The following ALS2 variants were observed in gnomAD, a reference collection of about 807,000 sequenced individuals.
ALS2 encodes alsin.
A neutral mutation model predicts 203.4 loss-of-function variants in ALS2; 117 were observed. The observed-to-expected ratio is 0.58, with a 90% confidence interval of 0.50 to 0.67. The LOEUF is 0.67. Among genes scored for constraint, ALS2 ranks in the 30% least tolerant of loss-of-function variants. The probability of loss-of-function intolerance (pLI) is 0.00; values close to 1 mark genes in which losing one functional copy is unlikely to be tolerated. For missense variants in ALS2, 1,715 were observed against 1,989.4 expected (o/e 0.86, Z 2.62); for synonymous variants, 718 against 725.9 (o/e 0.99, Z 0.17).
intron 23 of ALS2, 158 bp downstream of exon 23, chr2:201,722,885 T>C (rs1690898261): frequency 1.6e-6 from 1 of 618,478 alleles, no homozygotes; most frequent in African/African-American, 1.8e-5. Context: ...GAAACTGGAT[T>C]GTGGTGGTGG....
At chr2:201,764,269 T>C (rs538371415) in intron 3 of ALS2, among the ~76,000 whole-genome samples, 3 of 152,148 alleles carry the variant, frequency 2.0e-5, no homozygotes, top group African/African-American at 7.2e-5. Flanking sequence ...GAAAGAGCAA[T>C]ACTGCAAAGA....
intron 25 of ALS2, among the ~76,000 whole-genome samples, chr2:201,711,779 AT>A (rs1169779576): frequency 3.9e-5 from 6 of 152,220 alleles, no homozygotes; most frequent in Non-Finnish European, 8.8e-5. Flanking sequence ...ATTATTAGAG[AT>A]TTTAGATAAA....
intron 25 of ALS2, 129 bp from the exon 26 acceptor site, chr2:201,711,237 G>C (rs1324525705): frequency 1.5e-6 from 1 of 666,928 alleles, no homozygotes; most frequent in Non-Finnish European, 2.7e-6. Flanking sequence ...TAAACCCAAC[G>C]AACTCAGAAA....
At chr2:201,730,593 C>A (rs781168146) in intron 13 of ALS2, among the ~76,000 whole-genome samples, 1 of 151,786 alleles carries the variant, frequency 6.6e-6, no homozygotes, top group African/African-American at 2.4e-5. Flanking sequence ...ATATCCAAAT[C>A]TGAAAAATCA....
intron 1 of ALS2, among the ~76,000 whole-genome samples, chr2:201,775,610 T>A (rs1280450729): frequency 6.6e-6 from 1 of 152,104 alleles, no homozygotes; most frequent in Non-Finnish European, 1.5e-5. Context: ...CCAACCACTG[T>A]GGAAGGCTGA....
chr2:201,710,122 G>T, intron 26 of ALS2, 84 bp from the exon 27 acceptor site: 1 of 1,491,330 alleles, frequency 6.7e-7, no homozygotes, highest in South Asian at 1.1e-5. Context: ...CTTCATAAAT[G>T]ACACACAATT....
intron 24 of ALS2, 49 bp from the exon 25 acceptor site, chr2:201,715,888 T>C (rs1559039541): frequency 1.9e-6 from 3 of 1,610,712 alleles, no homozygotes; most frequent in Non-Finnish European, 2.5e-6. Flanking sequence ...TTGTGCAAAA[T>C]TGTTCCAAAG....
Position 201,729,071 on chromosome 2 carries a change from G to A in ALS2, c.2693C>T (p.Thr898Ile). ...GCTTACCGTCATTTTTCCGGGGAAG[G>A]TCTTCCAGAAGCCCAGTGTGTATTC... ...EAEYTLGFWK[T>I]FPGKMTDSLR... The change falls in exon 14 of 34, where the codon ACC (threonine) becomes ATC (isoleucine). Residue 898 changes from threonine (T) to isoleucine (I), a missense_variant. Physicochemically the swap from Thr to Ile is moderately conservative, Grantham distance 89. This residue lies in a region of ALS2 where 1,227 missense variants were observed against 1,413.5 expected (regional missense o/e 0.87). Coordinates refer to ENST00000264276, the MANE Select transcript of ALS2 (RefSeq NM_020919.4). 1 of 1,614,148 alleles carries A rather than the reference G, an allele frequency of 6.2e-7. No individual in the cohort carries two copies. The highest frequency in any genetic ancestry group is 8.5e-7 in the Non-Finnish European group (1 of 1,180,024).
At chr2:201,712,393 A>G (rs931993657) in intron 25 of ALS2, among the ~76,000 whole-genome samples, 5 of 152,222 alleles carry the variant, frequency 3.3e-5, no homozygotes, top group Admixed American at 2.6e-4. Flanking sequence ...AGCAAACTAG[A>G]ACATTTAATT....
chr2:201,733,218 C>G lies in ALS2; in HGVS notation c.2580+58G>C. On this transcript the variant is annotated intron_variant, in intron 13 of 33. Coordinates refer to ENST00000264276, the MANE Select transcript of ALS2 (RefSeq NM_020919.4). Reference sequence around the variant, plus strand: ...AGATCTTGTGGTGGCATAATCCATACAAACAACTATGATCCTTGGCTTTCC... The same window carrying G: ...AGATCTTGTGGTGGCATAATCCATAGAAACAACTATGATCCTTGGCTTTCC... 2.5e-6 allele frequency: 4 copies of G among 1,574,714 alleles called. No homozygotes were observed. The South Asian group carries it at 4.5e-5, about 18-fold the overall frequency.
intron 23 of ALS2, 103 bp from the exon 24 acceptor site, chr2:201,718,313 G>A: frequency 7.7e-7 from 1 of 1,296,266 alleles, no homozygotes; most frequent in Non-Finnish European, 1.1e-6. Flanking sequence ...AGGCTGGAGT[G>A]CAGTGATGCG....
intron 23 of ALS2, among the ~76,000 whole-genome samples, chr2:201,719,231 T>C (rs1032587319): frequency 3.9e-5 from 6 of 152,192 alleles, no homozygotes; most frequent in Admixed American, 2.6e-4. Context: ...GTGATGGTAG[T>C]AAGAGGTGGG....
intron 25 of ALS2, among the ~76,000 whole-genome samples, chr2:201,714,775 C>T (rs139349167): frequency 6.6e-6 from 1 of 152,308 alleles, no homozygotes; most frequent in African/African-American, 2.4e-5. Context: ...AGTGGTCAAC[C>T]TATGAGCTTG....
chr2:201,753,327 G>T, intron 6 of ALS2, 85 bp from the exon 7 acceptor site: 1 of 1,090,728 alleles, frequency 9.2e-7, no homozygotes, highest in African/African-American at 1.5e-5. Context: ...GTGCTGTCGT[G>T]TAAAAATAAA....
chr2:201,771,088 C>T (rs1694358095), intron 1 of ALS2, among the ~76,000 whole-genome samples: 1 of 145,570 alleles, frequency 6.9e-6, no homozygotes, highest in African/African-American at 2.6e-5. Flanking sequence ...CTCTTGTCAC[C>T]CAGGCTGGAG....
chr2:201,738,643 A>G, intron 12 of ALS2, 27 bp downstream of exon 12: 3 of 1,604,382 alleles, frequency 1.9e-6, no homozygotes, highest in South Asian at 1.1e-5. Flanking sequence ...GGAGAGAATG[A>G]TAACTGGAAG....
Position 201,726,516 on chromosome 2 carries a change from A to G in ALS2, c.3216T>C (p.Tyr1072=). 1.2e-6 allele frequency: 2 copies of G among 1,614,224 alleles called. No individual in the cohort carries two copies. Among genetic ancestry groups the G allele is most frequent in the Non-Finnish European group, 1.7e-6 (2 of 1,180,014 alleles). The change falls in exon 19 of 34, where the codon TAT becomes TAC. Residue 1072 remains tyrosine (Y), a synonymous_variant. Coordinates refer to ENST00000264276, the MANE Select transcript of ALS2 (RefSeq NM_020919.4). ...CCAAGCCATTCCTGAACATGCCAGA[A>G]TACATCTTTCCATCAGGCCACTTCA... The part of the protein sequence containing the change: ...GVLKWPDGKM[Y]SGMFRNGLED...
At chr2:201,723,242 T>C (rs1690924197) in intron 22 of ALS2, 88 bp downstream of exon 22, 1 of 1,400,972 alleles carries the variant, frequency 7.1e-7, no homozygotes. Context: ...ACTAAGAAGG[T>C]GGAAACTAAT....
At chr2:201,764,529 G>A (rs7597599) in intron 3 of ALS2, among the ~76,000 whole-genome samples, 25,613 of 151,792 alleles carry the variant, frequency 0.17, 2,474 homozygotes, top group East Asian at 0.4. Context: ...AGCTACTCGG[G>A]AGGCTGAGGC....
Sources: gnomAD v4.1 joint callset for allele counts (sites outside exome capture counted in the v4.1 genomes callset) on GRCh38, gnomAD v4.1.1 for gene constraint, gnomAD v4.1.1 regional missense constraint, MANE v1.5 for transcripts, NCBI Gene and HGNC (gene_info 2026-07-23, HGNC 2026-07-21) for gene names.